Variants in FXR2 observed in about 807,000 individuals in gnomAD.
FXR2 encodes the protein FMR1 autosomal homolog 2, also known as RNA-binding protein FXR2.
In FXR2, 9 loss-of-function variants were observed where a neutral mutation model predicts 87.3. The observed-to-expected ratio is 0.10, with a 90% CI of 0.06 to 0.18. FXR2 has a LOEUF of 0.18. FXR2 is among the 10% of genes least tolerant of loss of function. FXR2 has a pLI of 1.00. For synonymous variants in FXR2, 331 were observed against 328.3 expected (o/e 1.01, Z -0.09); for missense variants, 661 against 893.6 (o/e 0.74, Z 3.32).
intron 6 of FXR2, among the ~76,000 whole-genome samples, chr17:7,602,026 A>G (rs2071760939): frequency 6.6e-6 from 1 of 152,228 alleles, no homozygotes; most frequent in East Asian, 1.9e-4. Context: ...GAGAGAAAGC[A>G]AGGAGCAAGC....
chr17:7,601,363 A>T, intron 7 of FXR2, 46 bp downstream of exon 7: 1 of 994,540 alleles, frequency 1.0e-6, no homozygotes, highest in Non-Finnish European at 1.6e-6. Context: ...GTAGGAAGGG[A>T]GGAAGACAAT....
intron 7 of FXR2, among the ~76,000 whole-genome samples, chr17:7,597,681 T>G (rs1266283768): frequency 6.6e-6 from 1 of 152,152 alleles, no homozygotes; most frequent in Non-Finnish European, 1.5e-5. Context: ...AGTGCTGGGA[T>G]TGCAGGCGTG....
Position 7,592,156 on chromosome 17 carries a change from C to T in FXR2, c.1926+98G>A. 1 of 1,548,590 alleles carries T rather than the reference C, an allele frequency of 6.5e-7. No homozygotes were observed. On this transcript the variant is annotated intron_variant, in intron 16 of 16. Transcript: ENST00000250113. The surrounding 1 kb of genome is among the most constrained non-coding windows in gnomAD (Gnocchi z 4.8). ...TCTAAACTCCATCAGACACAGCTGC[C>T]TCTGCAATTCAGTAGGAGATTTGTG...
intron 1 of FXR2, among the ~76,000 whole-genome samples, chr17:7,612,713 A>G (rs1406710660): frequency 6.6e-6 from 1 of 151,990 alleles, no homozygotes; most frequent in African/African-American, 2.4e-5. Context: ...AATGACTACA[A>G]TGGCCGGGCG....
Position 7,594,141 on chromosome 17 carries a change from G to A in FXR2, c.1020+97C>T, listed in dbSNP as rs184004629. The A allele has an allele frequency of 1.9e-5, 17 of 903,264 alleles. No homozygotes were observed. Among genetic ancestry groups the A allele is most frequent in the Admixed American group, 6.0e-5 (3 of 50,374 alleles). 56.0% of individuals were successfully genotyped at this position (903,264 alleles called of 1,614,324 possible). A position where few individuals can be genotyped will look rare whatever the true frequency, so the allele number is the denominator to read the frequency against. On this transcript the variant is annotated intron_variant, in intron 10 of 16. Transcript: ENST00000250113. The surrounding 1 kb of genome is among the most constrained non-coding windows in gnomAD (Gnocchi z 5.1). ...ATCTACTAGTGTTAAACAACTTTCC[G>A]TACTCCACCCTCTCAAAGAACAATC...
intron 1 of FXR2, among the ~76,000 whole-genome samples, chr17:7,608,389 C>T (rs1437361859): frequency 1.3e-5 from 2 of 149,106 alleles, no homozygotes; most frequent in African/African-American, 2.5e-5. Flanking sequence ...GCCATGAGTT[C>T]GAGACTAGTC....
Position 7,594,959 on chromosome 17 carries a change from C to T in FXR2, c.832-202G>A, listed in dbSNP as rs1476359848. Among the ~76,000 whole-genome samples the T allele has an allele frequency of 6.6e-6, 1 of 151,956 alleles. No homozygotes were observed. On this transcript the variant is annotated intron_variant, in intron 8 of 16. Coordinates refer to ENST00000250113, the MANE Select transcript of FXR2 (RefSeq NM_004860.4). This position sits in a 1 kb window ranked among gnomAD's most constrained non-coding sequence, Gnocchi z 5.1. Reference sequence around the variant, plus strand: ...ATCAAAATACAAAAATACTAAAATACTAAAAATACAAAATTGGTGGCTCAC... The same window carrying T: ...ATCAAAATACAAAAATACTAAAATATTAAAAATACAAAATTGGTGGCTCAC...
intron 7 of FXR2, 162 bp from the exon 8 acceptor site, chr17:7,596,156 G>T: frequency 1.6e-6 from 1 of 607,462 alleles, no homozygotes; most frequent in Non-Finnish European, 2.9e-6. Flanking sequence ...GAAAGGTCAG[G>T]AACTTTTTGT....
chr17:7,613,930 G>A, intron 1 of FXR2: 1 of 414,728 alleles, frequency 2.4e-6, no homozygotes, highest in South Asian at 1.7e-5. Context: ...TTTCTCCTTG[G>A]CTTGGGAACC....
chr17:7,611,621 T>C (rs1004988619), intron 1 of FXR2, among the ~76,000 whole-genome samples: 7 of 151,526 alleles, frequency 4.6e-5, no homozygotes, highest in African/African-American at 1.5e-4. Flanking sequence ...TGAGACGACA[T>C]CACGCCACTG....
intron 3 of FXR2, 52 bp downstream of exon 3, chr17:7,605,593 T>C (rs987566173): frequency 2.1e-6 from 2 of 945,198 alleles, no homozygotes; most frequent in Middle Eastern, 2.1e-4. Context: ...GAGAAAAGCC[T>C]AGAATCCTGG....
In FXR2 at chr17:7,608,254, C is replaced by T. The variant is rs536580480; in HGVS notation, c.82-2105G>A. 1.8e-4 allele frequency among the ~76,000 whole-genome samples: 27 copies of T among 151,768 alleles called. No individual in the cohort carries two copies. The South Asian group carries it at 5.6e-3, about 31-fold the overall frequency. Reference sequence around the variant, plus strand: ...TACAGGTGTGACCACTGTGCCCAGCCCATTTTTTACCTAAAGATATCTTGT... The same window carrying T: ...TACAGGTGTGACCACTGTGCCCAGCTCATTTTTTACCTAAAGATATCTTGT... On this transcript the variant is annotated intron_variant, in intron 1 of 16. Transcript: ENST00000250113.
Position 7,592,668 on chromosome 17 carries a change from T to C in FXR2, c.1729+26A>G. ...CCCTCGATTCCTACCCATCTCTAAC[T>C]TTCCAGACCCCAGGCACACCCTCAC... On this transcript the variant is annotated intron_variant, in intron 14 of 16. Transcript: ENST00000250113. This position sits in a 1 kb window ranked among gnomAD's most constrained non-coding sequence, Gnocchi z 4.8. The C allele has an allele frequency of 6.2e-7, 1 of 1,613,296 alleles. No homozygotes were observed. The highest frequency in any genetic ancestry group is 1.3e-5 in the African/African-American group (1 of 74,968).
At chr17:7,602,431 A>G (rs1641547) in intron 6 of FXR2, among the ~76,000 whole-genome samples, 78,786 of 151,926 alleles carry the variant, frequency 0.52, 20,942 homozygotes, top group Middle Eastern at 0.66. Flanking sequence ...AGCCAGGCGC[A>G]ATGGCAGGCG....
chr17:7,613,820 C>A (rs1185260152), intron 1 of FXR2: 2 of 345,212 alleles, frequency 5.8e-6, no homozygotes, highest in African/African-American at 2.1e-5. Context: ...GAGAGACTTG[C>A]GAAAGATGCC....
chr17:7,612,370 G>C (rs541790206), intron 1 of FXR2, among the ~76,000 whole-genome samples: 1 of 152,308 alleles, frequency 6.6e-6, no homozygotes, highest in Non-Finnish European at 1.5e-5. Context: ...AAGGATATGA[G>C]AGACAAATGT....
intron 3 of FXR2, among the ~76,000 whole-genome samples, chr17:7,604,767 G>T (rs1170935283): frequency 1.3e-5 from 2 of 149,380 alleles, no homozygotes; most frequent in Non-Finnish European, 3.0e-5. Flanking sequence ...TGGTGCTCAG[G>T]CTGGAGTGCA....
Position 7,603,899 on chromosome 17 carries a change from C to T in FXR2, c.307G>A (p.Val103Ile), listed in dbSNP as rs764759593. The T allele has an allele frequency of 1.2e-6, 2 of 1,613,950 alleles. No individual in the cohort carries two copies. Among genetic ancestry groups the T allele is most frequent in the Admixed American group, 3.3e-5 (2 of 59,996 alleles). Reference protein sequence around the residue: ...RVRMMKGDFYVIEYAACDATY... With the variant: ...RVRMMKGDFYIIEYAACDATY... ...GCATCACAGGCAGCATATTCAATGA[C>T]ATAGAACTGGCACATGGTAAAAAAG... Residue 103 changes from valine (V) to isoleucine (I), a missense_variant, in exon 5 of 17, where the codon GTC (valine) becomes ATC (isoleucine). This residue lies in a region of FXR2 where 170 missense variants were observed against 247.2 expected (regional missense o/e 0.69). Coordinates refer to ENST00000250113, the MANE Select transcript of FXR2 (RefSeq NM_004860.4).
chr17:7,604,267 T>C (rs1260382250), intron 3 of FXR2, among the ~76,000 whole-genome samples, 187 bp from the exon 4 acceptor site: 1 of 150,962 alleles, frequency 6.6e-6, no homozygotes, highest in Admixed American at 6.6e-5. Context: ...AGAACAACCA[T>C]TAAGATATTT....
Sources: allele counts gnomAD v4.1 joint callset (sites outside exome capture counted in the v4.1 genomes callset), GRCh38; gene constraint gnomAD v4.1.1; regional missense constraint gnomAD v4.1.1; non-coding constraint Gnocchi (gnomAD v3.1); transcripts MANE v1.5; gene names NCBI Gene and HGNC (gene_info 2026-07-23, HGNC 2026-07-21).